TBC1D22A: variants seen among roughly 807,000 people sequenced by gnomAD.
TBC1D22A encodes the protein TBC1 domain family member 22A.
A neutral mutation model predicts 60.2 loss-of-function variants in TBC1D22A; 38 were observed. The ratio of observed to expected loss-of-function variants is 0.63; its 90% CI spans 0.49 to 0.83. TBC1D22A has a LOEUF of 0.83. TBC1D22A is among the 40% of genes least tolerant of loss of function. TBC1D22A has a pLI of 0.00. For synonymous variants in TBC1D22A, 302 were observed against 281.7 expected (o/e 1.07, Z -0.72); for missense variants, 628 against 701.0 (o/e 0.90, Z 1.18).
At chr22:46,861,745 C>A (rs548557005) in intron 4 of TBC1D22A, among the ~76,000 whole-genome samples, 68 of 152,370 alleles carry the variant, frequency 4.5e-4, no homozygotes, top group Non-Finnish European at 6.8e-4. Flanking sequence ...CCCGGCCGCA[C>A]TGGGGCTCTG....
chr22:47,107,207 T>C (rs2065668521), intron 11 of TBC1D22A, among the ~76,000 whole-genome samples: 1 of 152,084 alleles, frequency 6.6e-6, no homozygotes, highest in African/African-American at 2.4e-5. Flanking sequence ...GGCATTAGAA[T>C]GTAGAGGGAA....
At position 47,012,883 on chromosome 22, in the gene TBC1D22A, T is replaced by C. The variant is rs115436383; in HGVS notation, c.1201+15174T>C. Among the ~76,000 whole-genome samples the C allele has an allele frequency of 4.2e-3, 636 of 152,198 alleles. 4 individuals carry two copies. The highest frequency in any genetic ancestry group is 0.015 in the African/African-American group (603 of 41,552). On this transcript the variant is annotated intron_variant, in intron 10 of 12. Coordinates refer to ENST00000337137, the MANE Select transcript of TBC1D22A (RefSeq NM_014346.5). ...CCGAGAGCTCATCCTTCCAGGCCTG[T>C]ACTTAGCACAGAATCATAAAAAACT...
rs566830790 is a variant in TBC1D22A, at chr22:46,769,832, G to T, written c.62+6984G>T. 6.2e-4 allele frequency among the ~76,000 whole-genome samples: 94 copies of T among 152,266 alleles called. 1 individual carries two copies. Among genetic ancestry groups the T allele is most frequent in the African/African-American group, 2.2e-3 (90 of 41,532 alleles). On this transcript the variant is annotated intron_variant, in intron 1 of 12. Transcript: ENST00000337137. ...CTGGTGGGCTTCTGAGGAGGCCGAG[G>T]CCAGATGCTGTGGGGTTGGAGAGGA...
chr22:47,099,982 G>A (rs973790274), intron 11 of TBC1D22A, among the ~76,000 whole-genome samples: 2 of 152,208 alleles, frequency 1.3e-5, no homozygotes, highest in Admixed American at 6.5e-5. Flanking sequence ...GAGGTGGGGC[G>A]GCCTGGGGCT....
intron 4 of TBC1D22A, among the ~76,000 whole-genome samples, chr22:46,818,362 T>C (rs920004791): frequency 3.9e-5 from 6 of 152,258 alleles, no homozygotes; most frequent in Non-Finnish European, 7.3e-5. Context: ...GGTTTTCTTC[T>C]AGGGTTTTTA....
At chr22:47,017,353 G>T (rs917276674) in intron 10 of TBC1D22A, among the ~76,000 whole-genome samples, 4 of 152,216 alleles carry the variant, frequency 2.6e-5, no homozygotes, top group Admixed American at 1.3e-4. Flanking sequence ...GCCCAAGGCT[G>T]CGGTCTCCGG....
At chr22:47,043,207 G>A (rs1648694731) in intron 11 of TBC1D22A, among the ~76,000 whole-genome samples, 1 of 152,230 alleles carries the variant, frequency 6.6e-6, no homozygotes, top group African/African-American at 2.4e-5. Flanking sequence ...CTCAGGCAGG[G>A]TGTCCATGGC....
At chr22:46,825,808 A>G (rs2086029083) in intron 4 of TBC1D22A, among the ~76,000 whole-genome samples, 1 of 151,760 alleles carries the variant, frequency 6.6e-6, no homozygotes, top group East Asian at 2.0e-4. Flanking sequence ...AATTGCCCTC[A>G]CATATTGCAT....
rs139501323 is a variant in TBC1D22A at position 47,126,012 on chromosome 22, C to T, written c.1425+14409C>T. ...TTTGTTTTTTTTTGAGACAGAGTCTCGCTCTGTCGGCCAGGTTGGAGTGCA... is the reference window on the plus strand; with the variant it reads ...TTTGTTTTTTTTTGAGACAGAGTCTTGCTCTGTCGGCCAGGTTGGAGTGCA... On this transcript the variant is annotated intron_variant, in intron 12 of 12. Coordinates refer to ENST00000337137, the MANE Select transcript of TBC1D22A (RefSeq NM_014346.5). Among the ~76,000 whole-genome samples, 1,354 of 152,230 alleles carry T rather than the reference C, an allele frequency of 8.9e-3. 20 individuals are homozygous for T. Among genetic ancestry groups the T allele is most frequent in the African/African-American group, 0.031 (1,285 of 41,534 alleles).
At chr22:47,155,261 G>GC (rs1270006497) in intron 12 of TBC1D22A, among the ~76,000 whole-genome samples, 1 of 152,110 alleles carries the variant, frequency 6.6e-6, no homozygotes, top group African/African-American at 2.4e-5. Flanking sequence ...ACATCGCTGT[G>GC]CCATGAGAGA....
At chr22:47,115,983 ATTTTACCC>A (rs1405918508) in intron 12 of TBC1D22A, 25 of 152,332 alleles carry the variant, frequency 1.6e-4, no homozygotes, top group Non-Finnish European at 3.5e-4. Context: ...TCATTTATCC[ATTTTACCC>A]CCCAAGTCTA....
intron 12 of TBC1D22A, among the ~76,000 whole-genome samples, chr22:47,133,276 A>G (rs1157629859): frequency 2.0e-5 from 3 of 152,256 alleles, no homozygotes; most frequent in Non-Finnish European, 4.4e-5. Context: ...AAGCAAAACT[A>G]TACAGCTCTT....
At chr22:47,016,854 G>A (rs946149285) in intron 10 of TBC1D22A, among the ~76,000 whole-genome samples, 12 of 146,940 alleles carry the variant, frequency 8.2e-5, no homozygotes, top group Admixed American at 4.0e-4. Flanking sequence ...GAGCTGCTGC[G>A]TGGCTGTTGT....
intron 8 of TBC1D22A, among the ~76,000 whole-genome samples, chr22:46,962,268 A>G (rs1207794076): frequency 1.3e-5 from 2 of 152,250 alleles, no homozygotes; most frequent in African/African-American, 4.8e-5. Context: ...GAAAACAGCT[A>G]AACTTTACCA....
intron 11 of TBC1D22A, among the ~76,000 whole-genome samples, chr22:47,075,949 A>G (rs1234833960): frequency 6.6e-6 from 1 of 152,192 alleles, no homozygotes; most frequent in Non-Finnish European, 1.5e-5. Context: ...TAGTGTTAGG[A>G]GATCTCTACA....
At chr22:46,906,609 G>T (rs1375871749) in intron 7 of TBC1D22A, among the ~76,000 whole-genome samples, 1 of 152,178 alleles carries the variant, frequency 6.6e-6, no homozygotes, top group Non-Finnish European at 1.5e-5. Flanking sequence ...GAATAGGAAG[G>T]CTTGGAAATA....
intron 3 of TBC1D22A, 77 bp downstream of exon 3, chr22:46,793,918 G>A (rs960347017): frequency 7.5e-7 from 1 of 1,325,592 alleles, no homozygotes; most frequent in African/African-American, 1.5e-5. Flanking sequence ...CTCACTGTGG[G>A]AGAATCAGTG....
intron 10 of TBC1D22A, among the ~76,000 whole-genome samples, chr22:46,999,545 C>T (rs1241281939): frequency 1.3e-5 from 2 of 152,130 alleles, no homozygotes; most frequent in Admixed American, 6.5e-5. Context: ...GACTGGTGGG[C>T]GCCATCATCC....
intron 8 of TBC1D22A, among the ~76,000 whole-genome samples, chr22:46,968,074 G>A (rs571787491): frequency 1.3e-5 from 2 of 152,346 alleles, no homozygotes; most frequent in Admixed American, 6.5e-5. Flanking sequence ...TGGCCTTGTG[G>A]TGACGGGCTC....
Sources: gnomAD v4.1 joint callset for allele counts (sites outside exome capture counted in the v4.1 genomes callset) on GRCh38, gnomAD v4.1.1 for gene constraint, MANE v1.5 for transcripts, NCBI Gene and HGNC (gene_info 2026-07-23, HGNC 2026-07-21) for gene names.